Variants in BANK1 observed in about 807,000 individuals in gnomAD.
BANK1 encodes B-cell scaffold protein with ankyrin repeats.
A neutral mutation model predicts 94.5 loss-of-function variants in BANK1; 95 were observed. The observed-to-expected ratio is 1.00, with a 90% CI of 0.85 to 1.19. The LOEUF is 1.19. Among genes scored for constraint, BANK1 ranks in the 50% most tolerant of loss-of-function variants. The probability of loss-of-function intolerance (pLI) is 0.00; values close to 1 mark genes in which losing one functional copy is unlikely to be tolerated. For synonymous variants in BANK1, 334 were observed against 308.4 expected, an observed-to-expected ratio of 1.08 and a Z score of -0.87; for missense variants, 987 against 932.2, an observed-to-expected ratio of 1.06 and a Z score of -0.77.
intron 6 of BANK1, among the ~76,000 whole-genome samples, chr4:101,899,830 T>C (rs747322358): frequency 3.3e-5 from 5 of 152,160 alleles, no homozygotes; most frequent in Non-Finnish European, 7.4e-5. Flanking sequence ...ACAAGGAGCA[T>C]AGATAGAGAA....
At chr4:101,935,296 A>G (rs1723491814) in intron 7 of BANK1, among the ~76,000 whole-genome samples, 1 of 151,590 alleles carries the variant, frequency 6.6e-6, no homozygotes, top group Non-Finnish European at 1.5e-5. Flanking sequence ...TAAGTAGTCA[A>G]TCAGGAAAAC....
chr4:101,930,015 A>T (rs1443835747), intron 7 of BANK1, among the ~76,000 whole-genome samples: 2 of 151,466 alleles, frequency 1.3e-5, no homozygotes, highest in Admixed American at 6.6e-5. Context: ...ATTAATATGT[A>T]ATAATTAATA....
intron 5 of BANK1, among the ~76,000 whole-genome samples, chr4:101,888,414 C>A (rs1245510054): frequency 6.6e-6 from 1 of 152,182 alleles, no homozygotes. Flanking sequence ...CCACACACAT[C>A]ACTTTCCTCC....
intron 7 of BANK1, among the ~76,000 whole-genome samples, chr4:101,997,787 TTG>T (rs1270929035): frequency 1.3e-5 from 2 of 152,166 alleles, no homozygotes; most frequent in Non-Finnish European, 2.9e-5. Context: ...TCATTTTTGA[TTG>T]TGTCTATTTG....
intron 7 of BANK1, among the ~76,000 whole-genome samples, chr4:101,931,182 T>C (rs183987920): frequency 6.6e-6 from 1 of 151,668 alleles, no homozygotes; most frequent in Admixed American, 6.6e-5. Context: ...GTACCTACTT[T>C]CCTGGGCCAC....
chr4:101,791,499 A>G (rs955762371), intron 1 of BANK1, among the ~76,000 whole-genome samples: 2 of 152,222 alleles, frequency 1.3e-5, no homozygotes, highest in African/African-American at 4.8e-5. Context: ...TGGTCAAAGG[A>G]AAACGGTCAA....
At chr4:102,010,204 G>T (rs1164810026) in intron 7 of BANK1, among the ~76,000 whole-genome samples, 2 of 151,700 alleles carry the variant, frequency 1.3e-5, no homozygotes, top group Non-Finnish European at 2.9e-5. Context: ...GGCAGAGCTT[G>T]CAGTGAGCAG....
intron 2 of BANK1, among the ~76,000 whole-genome samples, chr4:101,843,025 G>A (rs1281017784): frequency 6.6e-6 from 1 of 152,152 alleles, no homozygotes; most frequent in Non-Finnish European, 1.5e-5. Flanking sequence ...ACAGTATAGT[G>A]ATACTTAGAA....
chr4:101,948,056 T>G (rs1723996198), intron 7 of BANK1, among the ~76,000 whole-genome samples: 1 of 152,158 alleles, frequency 6.6e-6, no homozygotes. Context: ...TTGTTAATTT[T>G]GACACTGCAA....
chr4:101,902,172 T>G (rs1419305547), intron 6 of BANK1, among the ~76,000 whole-genome samples: 1 of 152,190 alleles, frequency 6.6e-6, no homozygotes, highest in African/African-American at 2.4e-5. Context: ...TCATACATTC[T>G]TACAGAACAA....
At chr4:101,920,283 A>C (rs1722960314) in intron 7 of BANK1, among the ~76,000 whole-genome samples, 2 of 151,978 alleles carry the variant, frequency 1.3e-5, no homozygotes, top group Admixed American at 1.3e-4. Context: ...TGATGAGTTA[A>C]TGGGTGCAGC....
intron 7 of BANK1, among the ~76,000 whole-genome samples, chr4:101,991,555 A>T (rs1179885416): frequency 6.6e-6 from 1 of 152,102 alleles, no homozygotes; most frequent in Non-Finnish European, 1.5e-5. Flanking sequence ...CATTTTTTTG[A>T]CACTCTGACT....
chr4:101,945,161 C>A (rs992786674), intron 7 of BANK1, among the ~76,000 whole-genome samples: 1 of 151,816 alleles, frequency 6.6e-6, no homozygotes, highest in Non-Finnish European at 1.5e-5. Context: ...AAAGATGCCC[C>A]CTTTGGAGAC....
At chr4:101,923,869 T>A (rs1316751195) in intron 7 of BANK1, among the ~76,000 whole-genome samples, 1 of 151,776 alleles carries the variant, frequency 6.6e-6, no homozygotes, top group Non-Finnish European at 1.5e-5. Flanking sequence ...ACTATGCATC[T>A]ATTAAAAGAA....
At chr4:102,057,109 A>G (rs971329361) in intron 11 of BANK1, among the ~76,000 whole-genome samples, 1 of 152,174 alleles carries the variant, frequency 6.6e-6, no homozygotes. Context: ...GGAACTTACA[A>G]ATAAATCGAT....
intron 10 of BANK1, among the ~76,000 whole-genome samples, chr4:102,037,662 C>T (rs1727555470): frequency 1.3e-5 from 2 of 152,182 alleles, no homozygotes; most frequent in African/African-American, 4.8e-5. Flanking sequence ...TGAAGACTGA[C>T]ACTTACAGTT....
intron 13 of BANK1, among the ~76,000 whole-genome samples, chr4:102,065,962 A>AC (rs1015920410): frequency 1.6e-4 from 24 of 152,132 alleles, no homozygotes; most frequent in African/African-American, 5.8e-4. Flanking sequence ...TGTAATTAGA[A>AC]CCCAAAAGGA....
chr4:102,063,025 C>T, intron 12 of BANK1, 50 bp from the exon 13 acceptor site: 3 of 1,435,740 alleles, frequency 2.1e-6, no homozygotes, highest in Non-Finnish European at 2.9e-6. Flanking sequence ...TCATCTTGAT[C>T]CATAAAAATT....
chr4:102,072,738 A>G (rs1425765680), intron 15 of BANK1, among the ~76,000 whole-genome samples: 2 of 152,232 alleles, frequency 1.3e-5, no homozygotes, highest in Non-Finnish European at 2.9e-5. Context: ...CAATGTATAC[A>G]GTCCTTAAAC....
Sources: gnomAD v4.1 joint callset for allele counts (sites outside exome capture counted in the v4.1 genomes callset) on GRCh38, gnomAD v4.1.1 for gene constraint, MANE v1.5 for transcripts, NCBI Gene and HGNC (gene_info 2026-07-23, HGNC 2026-07-21) for gene names.